LDAH: variants seen among roughly 807,000 people sequenced by gnomAD.
LDAH encodes lipid droplet-associated hydrolase.
LDAH carries 26 observed loss-of-function variants against 29.6 expected under a neutral mutation model. The ratio of observed to expected loss-of-function variants is 0.88; its 90% CI spans 0.64 to 1.22. The LOEUF is 1.22. LDAH is among the 50% of genes most tolerant of loss of function. The probability of loss-of-function intolerance (pLI) is 0.00; values close to 1 mark genes in which losing one functional copy is unlikely to be tolerated. For missense variants in LDAH, 344 were observed against 387.3 expected, an observed-to-expected ratio of 0.89 and a Z score of 0.94; for synonymous variants, 117 against 133.0, an observed-to-expected ratio of 0.88 and a Z score of 0.83.
chr2:20,688,828 CTTTTTTTTTTT>C (rs57543886), intron 6 of LDAH, among the ~76,000 whole-genome samples: 1 of 112,020 alleles, frequency 8.9e-6, no homozygotes, highest in Non-Finnish European at 1.8e-5. Context: ...TGGAGGTTTC[CTTTTTTTTTTT>C]TTTTTTTTTT....
chr2:20,782,627 T>G (rs962987488), intron 3 of LDAH, among the ~76,000 whole-genome samples: 2 of 152,180 alleles, frequency 1.3e-5, no homozygotes, highest in African/African-American at 4.8e-5. Flanking sequence ...CTAAGTTAAG[T>G]TTATTGTCCT....
At chr2:20,765,402 T>C (rs1046737714) in intron 4 of LDAH, among the ~76,000 whole-genome samples, 1 of 152,232 alleles carries the variant, frequency 6.6e-6, no homozygotes, top group African/African-American at 2.4e-5. Flanking sequence ...TAAAAGTCTG[T>C]CTTCGAGGAC....
intron 4 of LDAH, among the ~76,000 whole-genome samples, chr2:20,745,814 A>G (rs1667530473): frequency 6.6e-6 from 1 of 152,250 alleles, no homozygotes; most frequent in Non-Finnish European, 1.5e-5. Flanking sequence ...GTATGATGGT[A>G]GTAAGTCACA....
At chr2:20,704,033 A>C (rs1194036222) in intron 5 of LDAH, among the ~76,000 whole-genome samples, 1 of 152,218 alleles carries the variant, frequency 6.6e-6, no homozygotes, top group African/African-American at 2.4e-5. Flanking sequence ...TATTTTATGT[A>C]AAATTCACTG....
chr2:20,807,880 T>C (rs1208035565), intron 1 of LDAH, among the ~76,000 whole-genome samples: 2 of 151,082 alleles, frequency 1.3e-5, no homozygotes, highest in African/African-American at 4.9e-5. Context: ...TATATTTAGA[T>C]TGGATAGGAA....
rs1558372732 is a variant in LDAH at position 20,686,776 on chromosome 2, T to C, written c.*127A>G. The C allele has an allele frequency of 5.9e-6, 5 of 844,030 alleles. No individual in the cohort carries two copies. In the East Asian group the frequency reaches 1.3e-4, roughly 22 times the overall value. 52.3% of individuals were successfully genotyped at this position (844,030 alleles called of 1,614,324 possible). On this transcript the variant is annotated 3_prime_UTR_variant, in exon 7 of 7. Transcript: ENST00000237822. ...TAACATGGCGAGCGGAGAGTTGGTT[T>C]GTAAGACAAAGGTTCTCACTTTCTT...
chr2:20,685,350 A>G lies in LDAH; in HGVS notation c.*1553T>C. 1 of 644,254 alleles carries G rather than the reference A, an allele frequency of 1.6e-6. No individual in the cohort carries two copies. Among genetic ancestry groups the G allele is most frequent in the Non-Finnish European group, 2.5e-6 (1 of 400,142 alleles). 39.9% of individuals were successfully genotyped at this position (644,254 alleles called of 1,614,324 possible). A position where few individuals can be genotyped will look rare whatever the true frequency, so the allele number is the denominator to read the frequency against. ...AGAGCCATGATTCCTAGCTTCTAAC[A>G]TCCGATTTCTAGGCCTCTCATGCAG... is the stretch of plus-strand genomic sequence containing the variant. On this transcript the variant is annotated 3_prime_UTR_variant, in exon 7 of 7. Coordinates refer to ENST00000237822, the MANE Select transcript of LDAH (RefSeq NM_021925.4).
intron 5 of LDAH, among the ~76,000 whole-genome samples, chr2:20,705,472 G>A (rs1319670222): frequency 1.3e-5 from 2 of 152,010 alleles, no homozygotes. Context: ...TATTTCTTTG[G>A]TAATTTCTTC....
At chr2:20,740,695 C>G (rs1188235508) in intron 4 of LDAH, among the ~76,000 whole-genome samples, 3 of 152,182 alleles carry the variant, frequency 2.0e-5, no homozygotes, top group Non-Finnish European at 4.4e-5. Context: ...GAAGGAAATA[C>G]TGGTTGCTTG....
chr2:20,741,077 T>C (rs1558431937), intron 4 of LDAH, among the ~76,000 whole-genome samples: 1 of 152,242 alleles, frequency 6.6e-6, no homozygotes, highest in Non-Finnish European at 1.5e-5. Flanking sequence ...TCTTCTTTGG[T>C]GAGGTATCTG....
chr2:20,785,726 C>T (rs907871302), intron 3 of LDAH, among the ~76,000 whole-genome samples: 2 of 152,294 alleles, frequency 1.3e-5, no homozygotes, highest in African/African-American at 4.8e-5. Context: ...TTTCTCTTTG[C>T]ATTTCAGTTA....
At chr2:20,703,359 C>G (rs1285681884) in intron 5 of LDAH, among the ~76,000 whole-genome samples, 4 of 152,080 alleles carry the variant, frequency 2.6e-5, no homozygotes, top group Admixed American at 1.3e-4. Context: ...TAAACACTTA[C>G]GATCATCTTG....
intron 1 of LDAH, among the ~76,000 whole-genome samples, chr2:20,811,063 G>A (rs1672453511): frequency 6.6e-6 from 1 of 151,434 alleles, no homozygotes; most frequent in Non-Finnish European, 1.5e-5. Context: ...TCTCGCCCAG[G>A]CTGGACTGCA....
At chr2:20,795,227 T>C (rs775425854) in intron 2 of LDAH, among the ~76,000 whole-genome samples, 9 of 152,222 alleles carry the variant, frequency 5.9e-5, no homozygotes, top group Non-Finnish European at 1.3e-4. Context: ...CTCTAGGCCC[T>C]GACTGCTAAT....
rs373754252 is a variant in LDAH, at chr2:20,717,026, G to A, written c.704-15374C>T. Among the ~76,000 whole-genome samples, 227 of 152,232 alleles carry A rather than the reference G, an allele frequency of 1.5e-3. 4 individuals carry two copies. In the South Asian group the frequency reaches 0.043, roughly 29 times the overall value. ...TTAATAAATGGTCTTTTCACTAAAT[G>A]ATGATGGGTCAACTGGATAGTCCTA... is the stretch of plus-strand genomic sequence containing the variant. On this transcript the variant is annotated intron_variant, in intron 5 of 6. Coordinates refer to ENST00000237822, the MANE Select transcript of LDAH (RefSeq NM_021925.4).
At chr2:20,737,519 A>G (rs2149436183) in intron 5 of LDAH, among the ~76,000 whole-genome samples, 1 of 152,312 alleles carries the variant, frequency 6.6e-6, no homozygotes, top group South Asian at 2.1e-4. Context: ...ATTTGCCAGA[A>G]TTTCAAATGT....
chr2:20,815,445 C>G (rs2125157784), intron 1 of LDAH, among the ~76,000 whole-genome samples: 1 of 151,740 alleles, frequency 6.6e-6, no homozygotes, highest in East Asian at 1.9e-4. Context: ...GAGAAAAACC[C>G]TAAGTGGGAA....
intron 5 of LDAH, among the ~76,000 whole-genome samples, chr2:20,717,979 A>C (rs1398883292): frequency 5.3e-5 from 8 of 152,360 alleles, no homozygotes; most frequent in Non-Finnish European, 2.9e-5. Flanking sequence ...TTATAACTAT[A>C]AAATGTTTTT....
chr2:20,752,978 A>G (rs78222938), intron 4 of LDAH, among the ~76,000 whole-genome samples: 1 of 1,770 alleles, frequency 5.6e-4, no homozygotes, highest in Non-Finnish European at 1.2e-3. Flanking sequence ...AAACAACGAC[A>G]ACAACAACAA....
Sources: allele counts gnomAD v4.1 joint callset (sites outside exome capture counted in the v4.1 genomes callset), GRCh38; gene constraint gnomAD v4.1.1; transcripts MANE v1.5; gene names NCBI Gene and HGNC (gene_info 2026-07-23, HGNC 2026-07-21).